Variants in ARPC3 observed in about 807,000 individuals in gnomAD.
ARPC3 encodes actin-related protein 2/3 complex subunit 3.
Under a neutral mutation model 27.6 loss-of-function variants are expected in ARPC3, and 12 were observed. The observed-to-expected ratio is 0.43, with a 90% CI of 0.28 to 0.70. The LOEUF (loss-of-function observed/expected upper bound fraction) is 0.70, where lower values mean the gene tolerates loss of function less well. Ranked by LOEUF, ARPC3 falls within the 30% of genes least tolerant of loss-of-function variation. The pLI is 0.17. For missense variants in ARPC3, 153 were observed against 207.7 expected, an observed-to-expected ratio of 0.74 and a Z score of 1.62; for synonymous variants, 53 against 67.2, an observed-to-expected ratio of 0.79 and a Z score of 1.03.
chr12:110,438,533 G>C (rs2135499151), intron 3 of ARPC3, among the ~76,000 whole-genome samples: 1 of 150,520 alleles, frequency 6.6e-6, no homozygotes, highest in South Asian at 2.1e-4. Context: ...CGGGAGTCGA[G>C]GGTTGCACTG....
intron 2 of ARPC3, among the ~76,000 whole-genome samples, chr12:110,441,959 G>A (rs1392825421): frequency 2.0e-5 from 3 of 151,322 alleles, no homozygotes; most frequent in South Asian, 2.1e-4. Context: ...TTGAACTCGC[G>A]GGTGGAGGAT....
Position 110,441,801 on chromosome 12 carries a change from C to T in ARPC3, c.107-1413G>A, listed in dbSNP as rs977072220. Among the ~76,000 whole-genome samples, 4 of 151,732 alleles carry T rather than the reference C, an allele frequency of 2.6e-5. No individual in the cohort carries two copies. The East Asian group carries it at 5.8e-4, about 22-fold the overall frequency. On this transcript the variant is annotated intron_variant, in intron 2 of 6. Coordinates refer to ENST00000228825, the MANE Select transcript of ARPC3 (RefSeq NM_001278556.2). Reference sequence around the variant, plus strand: ...ATCCCAACACTTTGGGAGGCCGAGACGGGTGGATCACCTGAGGTCAGGAGT... The same window carrying T: ...ATCCCAACACTTTGGGAGGCCGAGATGGGTGGATCACCTGAGGTCAGGAGT...
chr12:110,436,013 T>TA, intron 6 of ARPC3, 97 bp downstream of exon 6: 1 of 971,280 alleles, frequency 1.0e-6, no homozygotes, highest in Non-Finnish European at 1.7e-6. Context: ...ATGCAGAAAT[T>TA]AAAAATATTC....
In ARPC3 at chr12:110,450,105, C is replaced by T. The variant is rs910862275; in HGVS notation, c.6+150G>A. The T allele has an allele frequency of 3.7e-5, 45 of 1,211,552 alleles. No homozygotes were observed. The East Asian group carries it at 8.9e-4, about 24-fold the overall frequency. The allele number at this position is 1,211,552 out of a possible 1,614,324, so 75.1% of individuals were successfully genotyped here. On this transcript the variant is annotated intron_variant, in intron 1 of 6. Coordinates refer to ENST00000228825, the MANE Select transcript of ARPC3 (RefSeq NM_001278556.2). ...GCACCCCCGGGCCGCCCCAATCCTT[C>T]AGCAACCGGTCCCCTCCCCTCGCCT...
intron 2 of ARPC3, 84 bp downstream of exon 2, chr12:110,445,368 G>T: frequency 9.1e-7 from 1 of 1,093,514 alleles, no homozygotes. Context: ...AGAAGACTGA[G>T]CTAAGAATTT....
chr12:110,436,127 T>C lies in ARPC3; in HGVS notation c.457A>G (p.Asn153Asp). 5 of 1,613,266 alleles carry C rather than the reference T, an allele frequency of 3.1e-6. No individual in the cohort carries two copies. The highest frequency in any genetic ancestry group is 4.2e-6 in the Non-Finnish European group (5 of 1,179,468). The change falls in exon 6 of 7, where the codon AAT (asparagine) becomes GAT (aspartate). Residue 153 changes from asparagine (N) to aspartate (D), a missense_variant. Asn to Asp is a conservative substitution (Grantham distance 23, BLOSUM62 1). Transcript: ENST00000228825. ...RLCEKVFDPQ[N>D]DKPSKWWTCF... ...GGTCTTACCTTGCTGGGTTTATCATTCTGAGGGTCGAAAACTTTCTCACAA... is the reference window on the plus strand; with the variant it reads ...GGTCTTACCTTGCTGGGTTTATCATCCTGAGGGTCGAAAACTTTCTCACAA...
rs376235292 is a variant in ARPC3 at position 110,438,996 on chromosome 12, GT to G, written c.183+1315del. Among the ~76,000 whole-genome samples, 1,047 of 143,396 alleles carry G rather than the reference GT, an allele frequency of 7.3e-3. 1 individual carries two copies. The highest frequency in any genetic ancestry group is 9.9e-3 in the Non-Finnish European group (645 of 64,850). The allele number at this position is 143,396 out of a possible 152,430, so 94.1% of individuals were successfully genotyped here. On this transcript the variant is annotated intron_variant, in intron 3 of 6. Coordinates refer to ENST00000228825, the MANE Select transcript of ARPC3 (RefSeq NM_001278556.2). ...CAAATGAAATGTGGCAGAGTTTTTTGTTTTTTTTTTGAGACAGTCTTGCTCT... is the reference window on the plus strand; with the variant it reads ...CAAATGAAATGTGGCAGAGTTTTTTGTTTTTTTTTGAGACAGTCTTGCTCT...
rs1431448696 is a variant in ARPC3 at position 110,445,530 on chromosome 12, C to G, written c.28G>C (p.Asp10His). 1.2e-6 allele frequency: 2 copies of G among 1,613,152 alleles called. No individual in the cohort carries two copies. The highest frequency in any genetic ancestry group is 1.7e-6 in the Non-Finnish European group (2 of 1,179,328). Residue 10 changes from aspartate (D) to histidine (H), a missense_variant, in exon 2 of 7, where the codon GAT (aspartate) becomes CAT (histidine). By Grantham distance (81) the Asp-to-His change is moderately conservative. Coordinates refer to ENST00000228825, the MANE Select transcript of ARPC3 (RefSeq NM_001278556.2). ...TTTCCGATGAGTTTGGTATCAGGAT[C>G]CATGAGAGAAGAGTGGTAAGCCTGT... Reference protein sequence around the residue: MPAYHSSLMDPDTKLIGNMA... With the variant: MPAYHSSLMHPDTKLIGNMA...
chr12:110,438,328 G>A (rs193283481), intron 3 of ARPC3, among the ~76,000 whole-genome samples: 1,503 of 148,286 alleles, frequency 0.01, 87 homozygotes, highest in Admixed American at 0.087. Flanking sequence ...GGCCGGGTGC[G>A]GTGGCCCACA....
At chr12:110,448,399 G>A (rs146474859) in intron 1 of ARPC3, among the ~76,000 whole-genome samples, 40 of 152,250 alleles carry the variant, frequency 2.6e-4, no homozygotes, top group African/African-American at 7.5e-4. Context: ...TTGTGAGGCT[G>A]AGCGAGGTGG....
At chr12:110,440,447 AC>A (rs1409730440) in intron 2 of ARPC3, 59 bp from the exon 3 acceptor site, 2 of 1,157,084 alleles carry the variant, frequency 1.7e-6, no homozygotes, top group African/African-American at 3.0e-5. Context: ...AAACATAACA[AC>A]TATCAAAGCC....
intron 3 of ARPC3, among the ~76,000 whole-genome samples, chr12:110,438,300 T>TAA (rs1203578896): frequency 1.8e-4 from 17 of 94,890 alleles, no homozygotes; most frequent in Middle Eastern, 8.1e-3. Flanking sequence ...TGTCTCGAAT[T>TAA]AAAAAAAAAA....
intron 3 of ARPC3, 42 bp downstream of exon 3, chr12:110,440,270 T>A: frequency 7.3e-7 from 1 of 1,369,064 alleles, no homozygotes; most frequent in Non-Finnish European, 1.0e-6. Context: ...GTATTATCCC[T>A]ATGAGAAAAC....
intron 2 of ARPC3, chr12:110,444,843 C>T (rs749410515): frequency 6.5e-6 from 1 of 153,298 alleles, no homozygotes; most frequent in African/African-American, 2.4e-5. Flanking sequence ...CAGTTCAGAC[C>T]CTTGCAGGGT....
At position 110,434,860 on chromosome 12, in the gene ARPC3, G is replaced by T; in HGVS notation, c.*295C>A. The T allele has an allele frequency of 1.8e-6, 1 of 559,618 alleles. No individual in the cohort carries two copies. Among genetic ancestry groups the T allele is most frequent in the Non-Finnish European group, 3.3e-6 (1 of 304,856 alleles). The allele number at this position is 559,618 out of a possible 1,614,324, so 34.7% of individuals were successfully genotyped here. ...TGTGAATTTTATCTCAAAACAAATT[G>T]TAAGTGAATGTCAAAGACTGGCAAT... is the stretch of plus-strand genomic sequence containing the variant. On this transcript the variant is annotated 3_prime_UTR_variant, in exon 7 of 7. Transcript: ENST00000228825.
chr12:110,439,563 T>G (rs2062424637), intron 3 of ARPC3, among the ~76,000 whole-genome samples: 1 of 152,146 alleles, frequency 6.6e-6, no homozygotes, highest in African/African-American at 2.4e-5. Context: ...CCGGGAGCGG[T>G]GGCTCACGCC....
chr12:110,438,738 G>A (rs1289167342), intron 3 of ARPC3, among the ~76,000 whole-genome samples: 3 of 150,756 alleles, frequency 2.0e-5, no homozygotes, highest in Non-Finnish European at 4.4e-5. Context: ...CTGCCTCCTG[G>A]GTTCAAGTGA....
In ARPC3 at chr12:110,437,272, T is replaced by C. The variant is rs1592950614; in HGVS notation, c.184-120A>G. ...GAATGCAGTGGTAGGACAGCCACTATCACATCAAAACTCCCATTCTCCAAA... is the reference window on the plus strand; with the variant it reads ...GAATGCAGTGGTAGGACAGCCACTACCACATCAAAACTCCCATTCTCCAAA... On this transcript the variant is annotated intron_variant, in intron 3 of 6. Coordinates refer to ENST00000228825, the MANE Select transcript of ARPC3 (RefSeq NM_001278556.2). The C allele has an allele frequency of 4.1e-6, 3 of 739,344 alleles. No homozygotes were observed. The East Asian group carries it at 7.9e-5, about 19-fold the overall frequency. The allele number at this position is 739,344 out of a possible 1,614,324, so 45.8% of individuals were successfully genotyped here.
intron 1 of ARPC3, 110 bp from the exon 2 acceptor site, chr12:110,445,661 A>G: frequency 1.2e-6 from 1 of 816,392 alleles, no homozygotes. Context: ...AAGATTAATT[A>G]GGGGAGGGAG....
Sources: gnomAD v4.1 joint callset for allele counts (sites outside exome capture counted in the v4.1 genomes callset) on GRCh38, gnomAD v4.1.1 for gene constraint, MANE v1.5 for transcripts, NCBI Gene and HGNC (gene_info 2026-07-23, HGNC 2026-07-21) for gene names.